The following IL7 variants were observed in gnomAD, a reference collection of about 807,000 sequenced individuals.
The protein encoded by IL7 is interleukin 7.
In IL7, 3 loss-of-function variants were observed where a neutral mutation model predicts 21.6. The ratio of observed to expected loss-of-function variants is 0.14; its 90% confidence interval spans 0.06 to 0.36. IL7 has a LOEUF of 0.36. Ranked by LOEUF, IL7 falls within the 10% of genes least tolerant of loss-of-function variation. IL7 has a pLI of 1.00. For missense variants in IL7, 175 were observed against 200.2 expected, an observed-to-expected ratio of 0.87 and a Z score of 0.76; for synonymous variants, 62 against 68.1, an observed-to-expected ratio of 0.91 and a Z score of 0.44.
downstream of IL7, among the ~76,000 whole-genome samples, chr8:78,716,046 A>T (rs1209355142): frequency 6.6e-6 from 1 of 150,720 alleles, no homozygotes. Context: ...TCTCAAAAAA[A>T]AAAAAAAAAG....
intron 3 of IL7, among the ~76,000 whole-genome samples, chr8:78,722,641 T>C (rs1366113561): frequency 1.3e-5 from 2 of 151,958 alleles, no homozygotes; most frequent in African/African-American, 4.8e-5. Flanking sequence ...TGTGGGGCTT[T>C]AGAATATAGT....
chr8:78,738,723 A>G (rs1032333817), intron 3 of IL7, 88 bp from the exon 4 acceptor site: 3 of 1,285,624 alleles, frequency 2.3e-6, no homozygotes, highest in African/African-American at 3.0e-5. Flanking sequence ...AGCTTGAGCT[A>G]TGTTGCTAGG....
chr8:78,722,304 G>C (rs1038010411), intron 3 of IL7, among the ~76,000 whole-genome samples: 1 of 151,888 alleles, frequency 6.6e-6, no homozygotes, highest in Non-Finnish European at 1.5e-5. Flanking sequence ...TATAAAAGCT[G>C]TATTGCTGAA....
At chr8:78,745,053 T>C (rs1811932778) in intron 2 of IL7, among the ~76,000 whole-genome samples, 1 of 152,246 alleles carries the variant, frequency 6.6e-6, no homozygotes, top group Non-Finnish European at 1.5e-5. Flanking sequence ...TTACTCGCCC[T>C]TTTGTCCCTC....
rs1812547389 is a variant in IL7, at chr8:78,761,292, C to G, written c.148-21210G>C. 7 of 1,610,432 alleles carry G rather than the reference C, an allele frequency of 4.3e-6. No individual in the cohort carries two copies. In the Admixed American group the frequency reaches 1.2e-4, roughly 27 times the overall value. On this transcript the variant is annotated intron_variant, in intron 2 of 5. Transcript: ENST00000263851. ...ACTTCCTCGATTGTTCCTAATGCAA[C>G]AGATACTCCCATAACAGGTACTGAT...
At chr8:78,745,376 A>G (rs1217808761) in intron 2 of IL7, among the ~76,000 whole-genome samples, 4 of 152,152 alleles carry the variant, frequency 2.6e-5, no homozygotes, top group Non-Finnish European at 5.9e-5. Flanking sequence ...TGTCTTTCAT[A>G]TGCCTGTTTT....
chr8:78,755,779 G>A (rs1216227874), intron 2 of IL7, among the ~76,000 whole-genome samples: 1 of 151,982 alleles, frequency 6.6e-6, no homozygotes, highest in African/African-American at 2.4e-5. Flanking sequence ...TCTGCAAAGA[G>A]GGACAATTGA....
chr8:78,750,858 T>G (rs1812145246), intron 2 of IL7, among the ~76,000 whole-genome samples: 1 of 152,088 alleles, frequency 6.6e-6, no homozygotes, highest in Non-Finnish European at 1.5e-5. Context: ...ATGATTAATA[T>G]GCTCAGAGCT....
In IL7 at chr8:78,687,644, A is replaced by C. The variant is rs991121880; in HGVS notation, n.215-1697T>G. Reference sequence around the variant, plus strand: ...TATTTACGTAATACATTATATATATATTTACGTAATACATTATATATATTT... The same window carrying C: ...TATTTACGTAATACATTATATATATCTTTACGTAATACATTATATATATTT... On this transcript the variant is annotated intron_variant and non_coding_transcript_variant, in intron 3 of 4. Coordinates refer to the IL7 transcript ENST00000523959. Among the ~76,000 whole-genome samples, 12 of 130,202 alleles carry C rather than the reference A, an allele frequency of 9.2e-5. No homozygotes were observed. In the East Asian group the frequency reaches 2.6e-3, roughly 28 times the overall value. The allele number at this position is 130,202 out of a possible 152,430, so 85.4% of individuals were successfully genotyped here.
At chr8:78,735,272 TTTTC>T (rs1432112107) in intron 5 of IL7, among the ~76,000 whole-genome samples, 5 of 71,708 alleles carry the variant, frequency 7.0e-5, no homozygotes, top group Non-Finnish European at 1.0e-4. Flanking sequence ...TTATCTTTTC[TTTTC>T]TTTTTTTTTT....
At chr8:78,722,381 A>G (rs1811256906) in intron 3 of IL7, among the ~76,000 whole-genome samples, 3 of 151,140 alleles carry the variant, frequency 2.0e-5, no homozygotes, top group East Asian at 1.9e-4. Flanking sequence ...TCAAGAGGAC[A>G]TTCTATTTTT....
intron 1 of IL7, among the ~76,000 whole-genome samples, chr8:78,804,422 G>T (rs560617037): frequency 6.6e-6 from 1 of 152,312 alleles, no homozygotes; most frequent in Admixed American, 6.5e-5. Flanking sequence ...GTTTTCCGGA[G>T]ACCTGTTCCC....
chr8:78,801,828 G>T (rs1050525637), intron 1 of IL7, among the ~76,000 whole-genome samples: 54 of 152,122 alleles, frequency 3.5e-4, no homozygotes, highest in African/African-American at 1.2e-3. Flanking sequence ...ACATCTCATA[G>T]GTTCCCAGCT....
Position 78,738,646 on chromosome 8 carries a change from A to G in IL7, c.229-11T>C. On this transcript the variant is annotated splice_polypyrimidine_tract_variant and intron_variant, in intron 3 of 5. Coordinates refer to ENST00000263851, the MANE Select transcript of IL7 (RefSeq NM_000880.4). ...TAAAAACATACCTTCCTATTATAGG[A>G]AAAAGTCAGAAGGGCCATGGTTCAA... 1 of 1,610,024 alleles carries G rather than the reference A, an allele frequency of 6.2e-7. No homozygotes were observed. The highest frequency in any genetic ancestry group is 8.5e-7 in the Non-Finnish European group (1 of 1,178,156).
intron 2 of IL7, among the ~76,000 whole-genome samples, chr8:78,749,803 G>A (rs1039834868): frequency 6.6e-6 from 1 of 152,224 alleles, no homozygotes; most frequent in South Asian, 2.1e-4. Flanking sequence ...TAAGCCAGAG[G>A]TGGGAGGATC....
intron 2 of IL7, chr8:78,760,317 A>G (rs911976136): frequency 1.9e-6 from 3 of 1,607,626 alleles, no homozygotes; most frequent in Non-Finnish European, 2.5e-6. Context: ...ATATGCTTTA[A>G]GACGCTTTCA....
At chr8:78,678,044 A>T (rs1379942044) in intron 4 of IL7, among the ~76,000 whole-genome samples, 1 of 152,076 alleles carries the variant, frequency 6.6e-6, no homozygotes, top group Non-Finnish European at 1.5e-5. Context: ...AGTGAGAATG[A>T]CCAGAGGTCA....
chr8:78,685,712 A>C (rs1190346033), intron 4 of IL7, among the ~76,000 whole-genome samples: 1 of 152,238 alleles, frequency 6.6e-6, no homozygotes, highest in African/African-American at 2.4e-5. Context: ...TTAAATCCAC[A>C]AAGTGAGGAC....
chr8:78,761,916 C>T, intron 2 of IL7: 1 of 1,611,304 alleles, frequency 6.2e-7, no homozygotes, highest in South Asian at 1.1e-5. Flanking sequence ...ATCAAGATTT[C>T]AAGTAGATAT....
Sources: gnomAD v4.1 joint callset for allele counts (sites outside exome capture counted in the v4.1 genomes callset) on GRCh38, gnomAD v4.1.1 for gene constraint, MANE v1.5 for transcripts, NCBI Gene and HGNC (gene_info 2026-07-23, HGNC 2026-07-21) for gene names.